SIN3A: variants seen among roughly 807,000 people sequenced by gnomAD.
SIN3A encodes SIN3 transcription regulator family member A.
Under a neutral mutation model 146.1 loss-of-function variants are expected in SIN3A, and 14 were observed. The observed-to-expected ratio is 0.10, with a 90% CI of 0.06 to 0.15. The LOEUF (loss-of-function observed/expected upper bound fraction) is 0.15, where lower values mean the gene tolerates loss of function less well. Ranked by LOEUF, SIN3A falls within the 10% of genes least tolerant of loss-of-function variation. SIN3A has a pLI of 1.00. For synonymous variants in SIN3A, 572 were observed against 572.0 expected (o/e 1.00, Z 0.00); for missense variants, 1,028 against 1,576.0 (o/e 0.65, Z 5.89).
chr15:75,394,649 C>A, intron 14 of SIN3A, 31 bp downstream of exon 14: 1 of 1,558,218 alleles, frequency 6.4e-7, no homozygotes, highest in Non-Finnish European at 8.7e-7. Context: ...AGACTAGAGT[C>A]CTCTCACAGA....
intron 12 of SIN3A, among the ~76,000 whole-genome samples, chr15:75,399,162 A>C (rs1206136768): frequency 6.6e-6 from 1 of 151,892 alleles, no homozygotes; most frequent in African/African-American, 2.4e-5. Flanking sequence ...TGAGGCTGCA[A>C]TGAACTGTGA....
intron 1 of SIN3A, among the ~76,000 whole-genome samples, chr15:75,437,177 CTTTT>C (rs5813801): frequency 1.4e-5 from 2 of 145,174 alleles, no homozygotes; most frequent in African/African-American, 5.1e-5. Context: ...TCCCAGAACC[CTTTT>C]TTTTTTTTTG....
chr15:75,372,229 A>T lies in SIN3A; in HGVS notation c.3592-20T>A, dbSNP rs4886696. 0.72 allele frequency: 1,093,079 copies of T among 1,517,232 alleles called. 399,587 individuals are homozygous for T. Among genetic ancestry groups the T allele is most frequent in the Non-Finnish European group, 0.75 (850,160 of 1,127,870 alleles). The allele number at this position is 1,517,232 out of a possible 1,614,324, so 94.0% of individuals were successfully genotyped here. On this transcript the variant is annotated intron_variant, in intron 20 of 20. Coordinates refer to ENST00000394947, the MANE Select transcript of SIN3A (RefSeq NM_001145358.2). The stretch of plus-strand genomic sequence containing the variant: ...ATGGGACTGCAAAACAGAAAAAAAA[A>T]ATTTTATTAAATGAAGCAGAACCAA...
In SIN3A at chr15:75,389,717, T is replaced by G. The variant is rs1288748131; in HGVS notation, c.2956A>C (p.Met986Leu). The G allele has an allele frequency of 6.2e-7, 1 of 1,613,954 alleles. No homozygotes were observed. The highest frequency in any genetic ancestry group is 8.5e-7 in the Non-Finnish European group (1 of 1,179,988). ...GCAATGTAGGCATGAATGGTGAACA[T>G]CTCTCTCAGTGAATCTTCATACTGT... ...SSQYEDSLRE[M>L]FTIHAYIAFT... is the part of the protein sequence containing the mutation. The change falls in exon 16 of 21, where the codon ATG becomes CTG. Residue 986 changes from methionine (M) to leucine (L), a missense_variant. Physicochemically the swap from Met to Leu is conservative, Grantham distance 15. Transcript: ENST00000394947.
At chr15:75,415,260 T>G (rs532692449) in intron 3 of SIN3A, 1 of 152,264 alleles carries the variant, frequency 6.6e-6, no homozygotes, top group East Asian at 1.9e-4. Context: ...TTTTGGGTAG[T>G]AGAAGTGACA....
intron 12 of SIN3A, among the ~76,000 whole-genome samples, chr15:75,399,236 ACAAAG>A (rs1376108125): frequency 6.6e-6 from 1 of 151,690 alleles, no homozygotes; most frequent in African/African-American, 2.4e-5. Context: ...ACAAAACAAA[ACAAAG>A]CAATCAGCTG....
chr15:75,410,403 G>A, intron 6 of SIN3A, 117 bp from the exon 7 acceptor site: 2 of 1,017,470 alleles, frequency 2.0e-6, no homozygotes, highest in East Asian at 2.5e-5. Context: ...GAAAGTCTAT[G>A]TTCTTAGCAC....
intron 17 of SIN3A, chr15:75,384,015 G>GA (rs1353401394): frequency 8.6e-6 from 2 of 231,228 alleles, no homozygotes; most frequent in Non-Finnish European, 1.6e-5. Context: ...AATGTTCAGA[G>GA]AAAAAGAATA....
In SIN3A at chr15:75,404,311, A is replaced by G. The variant is rs146200809; in HGVS notation, c.1408-2341T>C. Among the ~76,000 whole-genome samples the G allele has an allele frequency of 4.0e-3, 617 of 152,382 alleles. 5 individuals carry two copies. Among genetic ancestry groups the G allele is most frequent in the African/African-American group, 0.014 (598 of 41,602 alleles). On this transcript the variant is annotated intron_variant, in intron 9 of 20. Transcript: ENST00000394947. ...CTTTTAAACATACACAAAAGTAGAC[A>G]GAAGTATAACGAACCTATGTACTCA...
chr15:75,450,595 G>A (rs947569986), intron 1 of SIN3A, among the ~76,000 whole-genome samples: 21 of 152,320 alleles, frequency 1.4e-4, no homozygotes, highest in African/African-American at 5.1e-4. Flanking sequence ...GGGTGACCAT[G>A]CTCCCACTCT....
chr15:75,373,188 G>C (rs2072785831), intron 20 of SIN3A, among the ~76,000 whole-genome samples: 1 of 152,164 alleles, frequency 6.6e-6, no homozygotes, highest in Non-Finnish European at 1.5e-5. Context: ...CAAATAATGT[G>C]AATCAGAGAC....
intron 1 of SIN3A, among the ~76,000 whole-genome samples, chr15:75,438,810 A>G (rs537690104): frequency 6.6e-6 from 1 of 152,356 alleles, no homozygotes; most frequent in South Asian, 2.1e-4. Context: ...GAAACAATGG[A>G]AAGTTTCTCT....
chr15:75,392,043 C>T (rs1311216814), intron 15 of SIN3A, among the ~76,000 whole-genome samples, 199 bp downstream of exon 15: 1 of 152,196 alleles, frequency 6.6e-6, no homozygotes, highest in Non-Finnish European at 1.5e-5. Context: ...ATGATCTAAG[C>T]CCTGCATAGG....
chr15:75,452,496 C>G (rs1233806555), upstream of SIN3A, among the ~76,000 whole-genome samples: 1 of 152,246 alleles, frequency 6.6e-6, no homozygotes, highest in Non-Finnish European at 1.5e-5. Context: ...AGTTTACATT[C>G]TACACACTGC....
intron 12 of SIN3A, 108 bp from the exon 13 acceptor site, chr15:75,396,604 G>C (rs2073309387): frequency 2.6e-6 from 2 of 767,552 alleles, no homozygotes; most frequent in South Asian, 1.7e-5. Context: ...TTTGAATCCT[G>C]GTTCTGCCCT....
At chr15:75,422,963 C>G in intron 2 of SIN3A, 140 bp from the exon 3 acceptor site, 1 of 775,376 alleles carries the variant, frequency 1.3e-6, no homozygotes, top group Non-Finnish European at 2.0e-6. Context: ...TCACACCTAT[C>G]TCACCTACAT....
intron 3 of SIN3A, among the ~76,000 whole-genome samples, chr15:75,416,672 C>T (rs1466531615): frequency 6.6e-6 from 1 of 152,188 alleles, no homozygotes; most frequent in Non-Finnish European, 1.5e-5. Flanking sequence ...GCACAAACAC[C>T]TTGTGGGATG....
chr15:75,387,252 C>A (rs904609659), intron 16 of SIN3A, among the ~76,000 whole-genome samples: 1 of 152,160 alleles, frequency 6.6e-6, no homozygotes, highest in Non-Finnish European at 1.5e-5. Flanking sequence ...AGGCTGGGCA[C>A]AGTGGCTCAT....
chr15:75,372,327 G>T, intron 20 of SIN3A, 118 bp from the exon 21 acceptor site: 1 of 552,396 alleles, frequency 1.8e-6, no homozygotes, highest in Non-Finnish European at 3.1e-6. Flanking sequence ...TCAAGTCTTA[G>T]ATACCACTGT....
Sources: gnomAD v4.1 joint callset for allele counts (sites outside exome capture counted in the v4.1 genomes callset) on GRCh38, gnomAD v4.1.1 for gene constraint, MANE v1.5 for transcripts, NCBI Gene and HGNC (gene_info 2026-07-23, HGNC 2026-07-21) for gene names.